The following PARD3B variants were observed in gnomAD, a reference collection of about 807,000 sequenced individuals.
PARD3B encodes partitioning defective 3 homolog B.
Under a neutral mutation model 130.2 loss-of-function variants are expected in PARD3B, and 103 were observed. The observed-to-expected ratio is 0.79, with a 90% CI of 0.67 to 0.93. The LOEUF is 0.93. Among genes scored for constraint, PARD3B ranks in the 40% least tolerant of loss-of-function variants. The probability of loss-of-function intolerance (pLI) is 0.00; values close to 1 mark genes in which losing one functional copy is unlikely to be tolerated. For missense variants in PARD3B, 1,609 were observed against 1,499.2 expected (o/e 1.07, Z -1.21); for synonymous variants, 583 against 553.2 (o/e 1.05, Z -0.76).
At chr2:205,520,373 G>A (rs1469605182) in intron 21 of PARD3B, among the ~76,000 whole-genome samples, 2 of 152,152 alleles carry the variant, frequency 1.3e-5, no homozygotes, top group African/African-American at 4.8e-5. Flanking sequence ...TAAAGCACTT[G>A]GGTTCTTTGC....
At chr2:204,941,166 A>T (rs1316748112) in intron 2 of PARD3B, among the ~76,000 whole-genome samples, 1 of 152,070 alleles carries the variant, frequency 6.6e-6, no homozygotes, top group African/African-American at 2.4e-5. Context: ...AGATTAAATC[A>T]CTCTTCTTAC....
intron 20 of PARD3B, among the ~76,000 whole-genome samples, chr2:205,486,927 A>G (rs540830783): frequency 2.6e-5 from 4 of 152,214 alleles, no homozygotes; most frequent in African/African-American, 9.6e-5. Context: ...TGGACGTAAA[A>G]GGAATGAAAA....
chr2:204,936,953 G>A (rs1389606718), intron 2 of PARD3B, among the ~76,000 whole-genome samples: 1 of 152,202 alleles, frequency 6.6e-6, no homozygotes, highest in Non-Finnish European at 1.5e-5. Context: ...CTTGTAATAG[G>A]CATTGTGATA....
chr2:205,310,718 TC>T (rs2042352412), intron 18 of PARD3B, among the ~76,000 whole-genome samples: 1 of 106,278 alleles, frequency 9.4e-6, no homozygotes, highest in Non-Finnish European at 1.9e-5. Context: ...TTTCTTTCTT[TC>T]TTTTTTTTTT....
At chr2:204,865,598 C>T (rs1202849249) in intron 2 of PARD3B, among the ~76,000 whole-genome samples, 2 of 152,054 alleles carry the variant, frequency 1.3e-5, no homozygotes, top group African/African-American at 4.8e-5. Context: ...GACACAAAAG[C>T]CTAAGAATGA....
At chr2:205,459,457 G>A (rs553414640) in intron 20 of PARD3B, among the ~76,000 whole-genome samples, 4 of 151,982 alleles carry the variant, frequency 2.6e-5, no homozygotes, top group Admixed American at 2.6e-4. Flanking sequence ...TTGTTAGAAG[G>A]ATAAAAAGAA....
In PARD3B at chr2:205,160,661, T is replaced by C. The variant is rs1191874565; in HGVS notation, c.1620+1754T>C. ...AGGAGCAAAAGCGAAATAGTAGTAA[T>C]AGCAACAACAACAATAGCAATGAAC... On this transcript the variant is annotated intron_variant, in intron 11 of 22. Transcript: ENST00000406610. This position sits in a 1 kb window ranked among gnomAD's most constrained non-coding sequence, Gnocchi z 4.0. Among the ~76,000 whole-genome samples, 1 of 152,212 alleles carries C rather than the reference T, an allele frequency of 6.6e-6. No homozygotes were observed. The highest frequency in any genetic ancestry group is 2.4e-5 in the African/African-American group (1 of 41,456).
intron 10 of PARD3B, among the ~76,000 whole-genome samples, chr2:205,136,019 G>T (rs1267619998): frequency 6.6e-6 from 1 of 151,986 alleles, no homozygotes; most frequent in African/African-American, 2.4e-5. Flanking sequence ...AATCTGTCCC[G>T]GATGGCAGGA....
In PARD3B at chr2:204,608,591, C is replaced by T. The variant is rs535426154; in HGVS notation, c.120+62472C>T. On this transcript the variant is annotated intron_variant, in intron 1 of 22. Transcript: ENST00000406610. ...CCTGAAAGCATAAACTCTTTATTAG[C>T]ACAGATAAATCAGTTGGTTGGCTCA... Among the ~76,000 whole-genome samples, 23 of 152,226 alleles carry T rather than the reference C, an allele frequency of 1.5e-4. No individual in the cohort carries two copies. The East Asian group carries it at 4.4e-3, about 29-fold the overall frequency.
intron 1 of PARD3B, among the ~76,000 whole-genome samples, chr2:204,636,717 C>T (rs1384348287): frequency 6.6e-6 from 1 of 152,022 alleles, no homozygotes; most frequent in Non-Finnish European, 1.5e-5. Flanking sequence ...TAGATTATTC[C>T]AGCCTAGCTT....
intron 2 of PARD3B, among the ~76,000 whole-genome samples, chr2:204,934,786 A>G (rs1688287404): frequency 6.6e-6 from 1 of 152,180 alleles, no homozygotes; most frequent in African/African-American, 2.4e-5. Context: ...GAACGGGGTA[A>G]GTATTTATTA....
At chr2:204,702,532 A>G (rs542031637) in intron 2 of PARD3B, among the ~76,000 whole-genome samples, 18 of 152,184 alleles carry the variant, frequency 1.2e-4, no homozygotes, top group African/African-American at 4.3e-4. Context: ...GGCCACTTGT[A>G]TGCCTTCATT....
chr2:205,516,853 A>G (rs998170135), intron 21 of PARD3B, among the ~76,000 whole-genome samples: 18 of 152,062 alleles, frequency 1.2e-4, no homozygotes. Context: ...AGATTTCAAG[A>G]GAAATGCTTC....
rs1575549462 is a variant in PARD3B at position 205,010,425 on chromosome 2, G to A, written c.395-37156G>A. On this transcript the variant is annotated intron_variant, in intron 3 of 22. Coordinates refer to ENST00000406610, the MANE Select transcript of PARD3B (RefSeq NM_001302769.2). ...AAAATTCCTTTTACCTTTCTCTTGGGCTGCGTTCTCTTTATTGAGATTTCA... is the reference window on the plus strand; with the variant it reads ...AAAATTCCTTTTACCTTTCTCTTGGACTGCGTTCTCTTTATTGAGATTTCA... 3.9e-5 allele frequency among the ~76,000 whole-genome samples: 6 copies of A among 152,072 alleles called. No individual in the cohort carries two copies. In the South Asian group the frequency reaches 1.2e-3, roughly 32 times the overall value.
At chr2:205,429,272 G>A (rs2047247855) in intron 19 of PARD3B, among the ~76,000 whole-genome samples, 2 of 152,120 alleles carry the variant, frequency 1.3e-5, no homozygotes, top group East Asian at 3.9e-4. Context: ...GAACTATCTA[G>A]GACACTAACT....
chr2:204,809,205 A>C, intron 2 of PARD3B, among the ~76,000 whole-genome samples: 1 of 150,900 alleles, frequency 6.6e-6, no homozygotes, highest in East Asian at 1.9e-4. Flanking sequence ...GTTTGAAAAA[A>C]TTTTCTCCCA....
intron 2 of PARD3B, among the ~76,000 whole-genome samples, chr2:204,883,697 GC>G (rs1447585522): frequency 6.6e-6 from 1 of 151,430 alleles, no homozygotes; most frequent in East Asian, 2.0e-4. Flanking sequence ...GCCCACCTTG[GC>G]CTCCCAAAGT....
At chr2:204,738,408 T>C (rs2039851088) in intron 2 of PARD3B, among the ~76,000 whole-genome samples, 1 of 152,220 alleles carries the variant, frequency 6.6e-6, no homozygotes, top group Non-Finnish European at 1.5e-5. Flanking sequence ...CATTTTTGTG[T>C]ATATTGTAAA....
intron 2 of PARD3B, among the ~76,000 whole-genome samples, chr2:204,837,980 G>T (rs2044113562): frequency 6.8e-6 from 1 of 147,034 alleles, no homozygotes; most frequent in South Asian, 2.1e-4. Context: ...AAGCATTGGG[G>T]CTACCAAGAT....
Sources: allele counts gnomAD v4.1 joint callset (sites outside exome capture counted in the v4.1 genomes callset), GRCh38; gene constraint gnomAD v4.1.1; non-coding constraint Gnocchi (gnomAD v3.1); transcripts MANE v1.5; gene names NCBI Gene and HGNC (gene_info 2026-07-23, HGNC 2026-07-21).